The following SMARCA2 variants were observed in gnomAD, a reference collection of about 807,000 sequenced individuals.
The protein encoded by SMARCA2 is SWI/SNF-related matrix-associated actin-dependent regulator of chromatin subfamily A member 2.
A neutral mutation model predicts 199.8 loss-of-function variants in SMARCA2; 61 were observed. That is an observed-to-expected ratio of 0.31 (90% CI 0.25 to 0.38). The LOEUF (loss-of-function observed/expected upper bound fraction) is 0.38. Ranked by LOEUF, SMARCA2 falls within the 10% of genes least tolerant of loss-of-function variation. SMARCA2 has a pLI of 1.00. For synonymous variants in SMARCA2, 935 were observed against 732.0 expected (o/e 1.28, Z -4.48); for missense variants, 1,344 against 2,012.2 (o/e 0.67, Z 6.35).
At chr9:2,097,333 T>C in intron 20 of SMARCA2, 52 bp from the exon 21 acceptor site, 1 of 1,186,348 alleles carries the variant, frequency 8.4e-7, no homozygotes, top group South Asian at 1.2e-5. Context: ...GGATCTGAAA[T>C]GTCTGACCAG....
intron 32 of SMARCA2, among the ~76,000 whole-genome samples, chr9:2,190,782 A>G (rs1015476443): frequency 3.9e-5 from 6 of 152,212 alleles, no homozygotes; most frequent in African/African-American, 1.2e-4. Flanking sequence ...TTTACTTTCC[A>G]TTTTGTACCT....
chr9:2,185,256 G>A (rs537303958), intron 31 of SMARCA2, among the ~76,000 whole-genome samples: 107 of 152,264 alleles, frequency 7.0e-4, no homozygotes, highest in Admixed American at 3.8e-3. Flanking sequence ...TAGATACTTC[G>A]TATGAGTAGA....
At chr9:2,174,423 T>C (rs1384862197) in intron 29 of SMARCA2, among the ~76,000 whole-genome samples, 2 of 152,162 alleles carry the variant, frequency 1.3e-5, no homozygotes, top group African/African-American at 2.4e-5. Context: ...ACACCTAATA[T>C]GTCTTCCTTG....
intron 24 of SMARCA2, among the ~76,000 whole-genome samples, chr9:2,113,718 T>G (rs893024215): frequency 1.3e-5 from 2 of 152,204 alleles, no homozygotes; most frequent in African/African-American, 4.8e-5. Context: ...GATTCTGTAA[T>G]GTCTGACCGT....
At chr9:2,153,874 T>C (rs1207884275) in intron 27 of SMARCA2, among the ~76,000 whole-genome samples, 1 of 152,138 alleles carries the variant, frequency 6.6e-6, no homozygotes, top group Non-Finnish European at 1.5e-5. Context: ...GTGTGTGATA[T>C]TTGCTGAAAG....
At position 2,029,241 on chromosome 9, in the gene SMARCA2, G is replaced by A; in HGVS notation, c.219G>A (p.Met73Ile). 1.9e-6 allele frequency: 3 copies of A among 1,610,380 alleles called. No homozygotes were observed. The highest frequency in any genetic ancestry group is 2.5e-6 in the Non-Finnish European group (3 of 1,178,084). Residue 73 changes from methionine to isoleucine, a missense_variant, in exon 2 of 34, where the codon ATG becomes ATA. Physicochemically the swap from Met to Ile is conservative, Grantham distance 10. Coordinates refer to ENST00000349721, the MANE Select transcript of SMARCA2 (RefSeq NM_003070.5). ...TDFPQEGMHQ[M>I]HKPIDGIHDK... ...TCCCACAGGAAGGCATGCATCAAAT[G>A]CATAAGGTAAGAGTTTGTTCTCCCA...
rs533970319 is a variant in SMARCA2, at chr9:2,182,747, G to A, written c.4461+505G>A. 7.9e-3 allele frequency among the ~76,000 whole-genome samples: 1,150 copies of A among 145,134 alleles called. 22 individuals are homozygous for A. The highest frequency in any genetic ancestry group is 0.028 in the African/African-American group (1,083 of 39,254). ...TGACCTCAGGTGATCCGCCTGCCTC[G>A]GCCTCCCAAAGTGTTGGGATTACAG... On this transcript the variant is annotated intron_variant, in intron 31 of 33. Transcript: ENST00000349721.
At chr9:2,140,420 C>T (rs1235388053) in intron 27 of SMARCA2, among the ~76,000 whole-genome samples, 1 of 152,170 alleles carries the variant, frequency 6.6e-6, no homozygotes. Flanking sequence ...AACATTTGTT[C>T]TCAAAGAGAA....
At chr9:2,084,923 C>T (rs1821736410) in intron 17 of SMARCA2, among the ~76,000 whole-genome samples, 1 of 152,146 alleles carries the variant, frequency 6.6e-6, no homozygotes, top group South Asian at 2.1e-4. Flanking sequence ...TGCTCTCTTT[C>T]GTGGAACAAA....
Position 2,164,160 on chromosome 9 carries a change from G to A in SMARCA2, c.4199+2257G>A, listed in dbSNP as rs115545542. ...ATTTACCGTCATGCTTTTTACGCCC[G>A]ACTCACTTCATTCATTTGTATTACC... On this transcript the variant is annotated intron_variant, in intron 28 of 33. Coordinates refer to ENST00000349721, the MANE Select transcript of SMARCA2 (RefSeq NM_003070.5). 4.5e-3 allele frequency among the ~76,000 whole-genome samples: 688 copies of A among 152,198 alleles called. 3 individuals are homozygous for A. Among genetic ancestry groups the A allele is most frequent in the African/African-American group, 0.016 (655 of 41,520 alleles).
intron 9 of SMARCA2, among the ~76,000 whole-genome samples, chr9:2,069,486 G>T (rs1820996818): frequency 6.6e-6 from 1 of 151,454 alleles, no homozygotes; most frequent in South Asian, 2.1e-4. Flanking sequence ...GTGAACACGG[G>T]AGGCGGAGCT....
intron 2 of SMARCA2, among the ~76,000 whole-genome samples, chr9:2,029,762 T>A (rs1818981701): frequency 6.6e-6 from 1 of 152,244 alleles, no homozygotes; most frequent in African/African-American, 2.4e-5. Flanking sequence ...CACATTGCTG[T>A]CTCTCTGTGA....
chr9:2,082,484 G>T (rs1479775969), intron 15 of SMARCA2, among the ~76,000 whole-genome samples: 1 of 152,146 alleles, frequency 6.6e-6, no homozygotes, highest in Non-Finnish European at 1.5e-5. Flanking sequence ...GTGCACTGAG[G>T]TTATGTTTCA....
chr9:2,018,937 G>C (rs1332805048), intron 1 of SMARCA2, among the ~76,000 whole-genome samples: 2 of 152,340 alleles, frequency 1.3e-5, no homozygotes, highest in East Asian at 3.9e-4. Context: ...AGGCGTGGCA[G>C]ATTTGAATCC....
chr9:2,172,940 G>C (rs1826337076), intron 29 of SMARCA2, among the ~76,000 whole-genome samples: 1 of 152,216 alleles, frequency 6.6e-6, no homozygotes, highest in South Asian at 2.1e-4. Flanking sequence ...CATACATTAG[G>C]AGAATGTTGT....
chr9:2,044,957 G>A (rs1311372351), intron 4 of SMARCA2: 1 of 152,170 alleles, frequency 6.6e-6, no homozygotes, highest in Non-Finnish European at 1.5e-5. Context: ...CTGGACCAGA[G>A]ATGAAAGATA....
Position 2,081,863 on chromosome 9 carries a change from A to G in SMARCA2, c.2216A>G (p.Tyr739Cys). The G allele has an allele frequency of 6.2e-7, 1 of 1,614,128 alleles. No individual in the cohort carries two copies. Among genetic ancestry groups the G allele is most frequent in the Non-Finnish European group, 8.5e-7 (1 of 1,179,998 alleles). Residue 739 changes from tyrosine (Y) to cysteine (C), a missense_variant, in exon 15 of 34, where the codon TAT (tyrosine) becomes TGT (cysteine). Around this residue, in one of 18 missense-constraint regions of SMARCA2, gnomAD observed 106 missense variants for 179.7 expected, o/e 0.59. Coordinates refer to ENST00000349721, the MANE Select transcript of SMARCA2 (RefSeq NM_003070.5). ...GGCCTGGAATGGATGGTTTCCCTGT[A>G]TAATAACAACTTGAACGGAATCTTA... ...LQGLEWMVSLYNNNLNGILAD... is the reference protein window; with the variant it reads ...LQGLEWMVSLCNNNLNGILAD...
At chr9:2,171,665 T>C (rs747159827) in intron 29 of SMARCA2, among the ~76,000 whole-genome samples, 1 of 152,212 alleles carries the variant, frequency 6.6e-6, no homozygotes, top group Non-Finnish European at 1.5e-5. Context: ...GACTTGGAGA[T>C]TGAAACAACG....
chr9:2,151,473 T>C (rs7019630), intron 27 of SMARCA2, among the ~76,000 whole-genome samples: 114,733 of 151,178 alleles, frequency 0.76, 44,524 homozygotes, highest in Middle Eastern at 0.85. Flanking sequence ...GGCTCATGCC[T>C]GTAATCCCAA....
Sources: gnomAD v4.1 joint callset for allele counts (sites outside exome capture counted in the v4.1 genomes callset) on GRCh38, gnomAD v4.1.1 for gene constraint, gnomAD v4.1.1 regional missense constraint, MANE v1.5 for transcripts, NCBI Gene and HGNC (gene_info 2026-07-23, HGNC 2026-07-21) for gene names.